Variants in TTC27 observed in about 807,000 individuals in gnomAD.
TTC27 encodes the protein tetratricopeptide repeat protein 27.
In TTC27, 79 loss-of-function variants were observed where a neutral mutation model predicts 115.9. The observed-to-expected ratio is 0.68, with a 90% CI of 0.57 to 0.82. TTC27 has a LOEUF of 0.82. Ranked by LOEUF, TTC27 falls within the 40% of genes least tolerant of loss-of-function variation. The pLI is 0.00. For missense variants in TTC27, 1,054 were observed against 993.1 expected, an observed-to-expected ratio of 1.06 and a Z score of -0.82; for synonymous variants, 401 against 356.0, an observed-to-expected ratio of 1.13 and a Z score of -1.42.
intron 12 of TTC27, among the ~76,000 whole-genome samples, chr2:32,748,137 T>A (rs1321276888): frequency 6.6e-6 from 1 of 152,168 alleles, no homozygotes; most frequent in African/African-American, 2.4e-5. Context: ...ATCCCGTAAG[T>A]TTCAGCATAT....
intron 16 of TTC27, among the ~76,000 whole-genome samples, chr2:32,800,150 G>T (rs112174894): frequency 1.3e-5 from 2 of 152,166 alleles, no homozygotes; most frequent in African/African-American, 4.8e-5. Context: ...TGTAAAGGGC[G>T]GGGAACAGTA....
chr2:32,736,550 C>A (rs895644430), intron 11 of TTC27, 144 bp from the exon 12 acceptor site: 1 of 876,862 alleles, frequency 1.1e-6, no homozygotes, highest in Non-Finnish European at 1.7e-6. Context: ...TTATTACAAA[C>A]TTCTAAATAG....
intron 8 of TTC27, among the ~76,000 whole-genome samples, chr2:32,678,029 G>A (rs1666277293): frequency 6.6e-6 from 1 of 151,958 alleles, no homozygotes; most frequent in South Asian, 2.1e-4. Context: ...ATCTGCGGTG[G>A]GCAATCACTT....
intron 16 of TTC27, among the ~76,000 whole-genome samples, chr2:32,803,028 A>G (rs1455700281): frequency 6.6e-6 from 1 of 152,014 alleles, no homozygotes; most frequent in Non-Finnish European, 1.5e-5. Flanking sequence ...TATGTACTTG[A>G]TGGGAGGGGC....
intron 18 of TTC27, among the ~76,000 whole-genome samples, chr2:32,813,967 G>A (rs926526655): frequency 1.3e-5 from 2 of 152,182 alleles, no homozygotes; most frequent in South Asian, 2.1e-4. Context: ...ACCTCATGAT[G>A]GGTGGGCTCA....
At chr2:32,813,555 C>T (rs1188199498) in intron 18 of TTC27, among the ~76,000 whole-genome samples, 1 of 152,162 alleles carries the variant, frequency 6.6e-6, no homozygotes, top group Non-Finnish European at 1.5e-5. Context: ...AAACACTTAG[C>T]AGTATTTCAC....
At chr2:32,644,999 A>G (rs1236913227) in intron 4 of TTC27, among the ~76,000 whole-genome samples, 1 of 149,852 alleles carries the variant, frequency 6.7e-6, no homozygotes, top group African/African-American at 2.5e-5. Context: ...CCTGGCTTAT[A>G]TCTTTCTCTT....
intron 10 of TTC27, among the ~76,000 whole-genome samples, chr2:32,721,058 G>A (rs1667907820): frequency 6.6e-6 from 1 of 152,096 alleles, no homozygotes; most frequent in South Asian, 2.1e-4. Flanking sequence ...CATTTAAGCT[G>A]ACCATGGCTG....
chr2:32,656,071 T>G (rs1665304053), intron 5 of TTC27, among the ~76,000 whole-genome samples: 1 of 152,102 alleles, frequency 6.6e-6, no homozygotes, highest in African/African-American at 2.4e-5. Flanking sequence ...TGGCTTGAGT[T>G]TTCTAAATGC....
chr2:32,730,668 C>T lies in TTC27; in HGVS notation c.1234-3160C>T, dbSNP rs374292595. On this transcript the variant is annotated intron_variant, in intron 10 of 19. Transcript: ENST00000317907. ...AGACAGTCTCACTCTGTCACCCAGG[C>T]TGGAGTGCAGTGGCGTGATCTTGAC... Among the ~76,000 whole-genome samples the T allele has an allele frequency of 6.6e-3, 976 of 148,824 alleles. 9 individuals carry two copies. Among genetic ancestry groups the T allele is most frequent in the African/African-American group, 0.023 (933 of 40,192 alleles).
chr2:32,784,276 C>T (rs1365105391), intron 15 of TTC27, among the ~76,000 whole-genome samples: 1 of 152,206 alleles, frequency 6.6e-6, no homozygotes, highest in East Asian at 1.9e-4. Flanking sequence ...CCTCTTGCAG[C>T]TCCACAAATA....
intron 13 of TTC27, among the ~76,000 whole-genome samples, chr2:32,765,237 T>C (rs987769107): frequency 5.3e-5 from 8 of 152,230 alleles, no homozygotes; most frequent in African/African-American, 1.7e-4. Flanking sequence ...CCTTGTTCCA[T>C]GGCTGCGGAG....
intron 12 of TTC27, among the ~76,000 whole-genome samples, chr2:32,749,491 A>C (rs1668939363): frequency 6.6e-6 from 1 of 152,202 alleles, no homozygotes; most frequent in Admixed American, 6.5e-5. Context: ...TCTTACCAAG[A>C]TTTAGCATTT....
chr2:32,630,781 T>C, intron 2 of TTC27, 81 bp downstream of exon 2: 1 of 1,333,766 alleles, frequency 7.5e-7, no homozygotes. Context: ...GCCCTGATTT[T>C]AGCAGTTGAG....
intron 7 of TTC27, among the ~76,000 whole-genome samples, chr2:32,671,302 T>TC (rs397807331): frequency 2.0e-5 from 3 of 151,900 alleles, no homozygotes; most frequent in South Asian, 4.2e-4. Flanking sequence ...CATTTTTTTT[T>TC]CCAAATGGAT....
At chr2:32,674,211 C>T (rs532312549) in intron 8 of TTC27, among the ~76,000 whole-genome samples, 39 of 150,194 alleles carry the variant, frequency 2.6e-4, no homozygotes, top group East Asian at 2.6e-3. Context: ...AGTGCAGTGG[C>T]GCGATCTCGG....
At chr2:32,693,075 T>C (rs1177097318) in intron 9 of TTC27, among the ~76,000 whole-genome samples, 1 of 152,208 alleles carries the variant, frequency 6.6e-6, no homozygotes, top group East Asian at 1.9e-4. Flanking sequence ...GTTTTAAAAT[T>C]TCAAGTCTTT....
chr2:32,803,255 G>T (rs1021537322), intron 16 of TTC27, among the ~76,000 whole-genome samples: 2 of 152,198 alleles, frequency 1.3e-5, no homozygotes, highest in African/African-American at 4.8e-5. Context: ...AAGTAGAAGG[G>T]CACTCTTAGG....
chr2:32,629,042 G>A lies in TTC27; in HGVS notation c.88+662G>A, dbSNP rs973215440. Among the ~76,000 whole-genome samples, 3 of 151,982 alleles carry A rather than the reference G, an allele frequency of 2.0e-5. No homozygotes were observed. The East Asian group carries it at 5.8e-4, about 29-fold the overall frequency. ...CCCAAAGTGCTGGGATTACAGGCCT[G>A]AGCCACCGCGCCCGGGTCTGGTTAA... On this transcript the variant is annotated intron_variant, in intron 1 of 19. Coordinates refer to ENST00000317907, the MANE Select transcript of TTC27 (RefSeq NM_017735.5).
Sources: gnomAD v4.1 joint callset for allele counts (sites outside exome capture counted in the v4.1 genomes callset) on GRCh38, gnomAD v4.1.1 for gene constraint, MANE v1.5 for transcripts, NCBI Gene and HGNC (gene_info 2026-07-23, HGNC 2026-07-21) for gene names.